The following DAB1 variants were observed in gnomAD, a reference collection of about 807,000 sequenced individuals.
DAB1 encodes disabled homolog 1.
A neutral mutation model predicts 64.6 loss-of-function variants in DAB1; 15 were observed. That is an observed-to-expected ratio of 0.23 (90% CI 0.16 to 0.36). The LOEUF (loss-of-function observed/expected upper bound fraction) is 0.36, where lower values mean the gene tolerates loss of function less well. Among genes scored for constraint, DAB1 ranks in the 10% least tolerant of loss-of-function variants. DAB1 has a pLI of 1.00. For missense variants in DAB1, 596 were observed against 706.7 expected, an observed-to-expected ratio of 0.84 and a Z score of 1.78; for synonymous variants, 235 against 251.9, an observed-to-expected ratio of 0.93 and a Z score of 0.64.
At chr1:57,411,256 T>C (rs1425011928) in intron 1 of DAB1, among the ~76,000 whole-genome samples, 1 of 152,258 alleles carries the variant, frequency 6.6e-6, no homozygotes, top group Non-Finnish European at 1.5e-5. Context: ...GTCCGTGTGA[T>C]GAAATGGAAA....
chr1:57,629,512 A>G (rs2101626294), intron 7 of DAB1, among the ~76,000 whole-genome samples: 1 of 152,298 alleles, frequency 6.6e-6, no homozygotes, highest in East Asian at 1.9e-4. Flanking sequence ...AGAAGGAGGA[A>G]GAGTTTTGAA....
At chr1:58,000,678 C>T (rs1378412700) in intron 5 of DAB1, among the ~76,000 whole-genome samples, 1 of 140,984 alleles carries the variant, frequency 7.1e-6, no homozygotes, top group African/African-American at 2.6e-5. Flanking sequence ...TCAAGTGATT[C>T]TTGTGCCTCA....
intron 7 of DAB1, among the ~76,000 whole-genome samples, chr1:57,580,214 C>T (rs1306104485): frequency 6.6e-6 from 1 of 152,138 alleles, no homozygotes; most frequent in African/African-American, 2.4e-5. Flanking sequence ...AGAAGGAAAA[C>T]TGAGCAGCTT....
chr1:57,353,583 T>C (rs1430509134), intron 1 of DAB1, among the ~76,000 whole-genome samples: 1 of 152,178 alleles, frequency 6.6e-6, no homozygotes. Context: ...ATGCTGGACC[T>C]CAGCATTCAC....
chr1:57,136,070 G>T (rs1343501613), intron 4 of DAB1, among the ~76,000 whole-genome samples: 1 of 152,054 alleles, frequency 6.6e-6, no homozygotes, highest in East Asian at 1.9e-4. Context: ...TCCTGGTCGT[G>T]CAGTGATAGA....
At chr1:57,474,665 A>G (rs924842383) in intron 7 of DAB1, among the ~76,000 whole-genome samples, 9 of 152,218 alleles carry the variant, frequency 5.9e-5, no homozygotes, top group African/African-American at 9.6e-5. Context: ...TTATAAAGAA[A>G]TTTCACAGTT....
chr1:58,075,805 G>A (rs904311836), intron 5 of DAB1, among the ~76,000 whole-genome samples: 3 of 151,992 alleles, frequency 2.0e-5, no homozygotes, highest in African/African-American at 7.2e-5. Flanking sequence ...CCTTTCTCTG[G>A]CTCTATCTCT....
At chr1:58,329,473 T>C (rs1367579791) in intron 4 of DAB1, among the ~76,000 whole-genome samples, 1 of 152,252 alleles carries the variant, frequency 6.6e-6, no homozygotes, top group Non-Finnish European at 1.5e-5. Flanking sequence ...TTATGTAATC[T>C]CACTTGTGTT....
At chr1:57,042,987 T>C (rs1647989394) in intron 9 of DAB1, among the ~76,000 whole-genome samples, 1 of 152,090 alleles carries the variant, frequency 6.6e-6, no homozygotes. Flanking sequence ...ACTCCATTTC[T>C]AACTTCAAAG....
intron 1 of DAB1, among the ~76,000 whole-genome samples, chr1:57,358,913 G>A (rs1272999262): frequency 6.6e-6 from 1 of 151,958 alleles, no homozygotes; most frequent in Non-Finnish European, 1.5e-5. Context: ...ATATCCTCAT[G>A]CAGAAAAATA....
chr1:57,985,200 AC>A (rs374222259), intron 5 of DAB1, among the ~76,000 whole-genome samples: 51 of 151,990 alleles, frequency 3.4e-4, no homozygotes, highest in African/African-American at 1.2e-3. Flanking sequence ...GAGCCACCAC[AC>A]CCGGCCTGCT....
chr1:57,001,399 C>T (rs753595964), intron 14 of DAB1, among the ~76,000 whole-genome samples: 7 of 152,142 alleles, frequency 4.6e-5, no homozygotes, highest in South Asian at 4.1e-4. Context: ...GCACCTTCGC[C>T]GGGCACACAA....
chr1:57,343,929 C>T (rs770220494), intron 1 of DAB1, among the ~76,000 whole-genome samples: 26 of 152,374 alleles, frequency 1.7e-4, no homozygotes, highest in Non-Finnish European at 2.8e-4. Context: ...GCGCCCAGAG[C>T]GAGCAAGGGC....
intron 1 of DAB1, among the ~76,000 whole-genome samples, chr1:57,362,665 C>T (rs1172204580): frequency 6.6e-6 from 1 of 152,104 alleles, no homozygotes; most frequent in Non-Finnish European, 1.5e-5. Context: ...CTTGAAGGCA[C>T]TATCTTTAAA....
At chr1:57,965,625 G>C (rs1645645316) in intron 5 of DAB1, among the ~76,000 whole-genome samples, 2 of 152,234 alleles carry the variant, frequency 1.3e-5, no homozygotes, top group African/African-American at 2.4e-5. Context: ...TACTTGTAGA[G>C]GAAGGAATAT....
intron 7 of DAB1, among the ~76,000 whole-genome samples, chr1:57,549,091 T>G (rs1394735952): frequency 6.6e-6 from 1 of 152,166 alleles, no homozygotes; most frequent in East Asian, 1.9e-4. Context: ...TATGACTGGA[T>G]CTACGCAATG....
Position 57,183,554 on chromosome 1 carries a change from T to G in DAB1, c.68-38125A>C, listed in dbSNP as rs1557886996. On this transcript the variant is annotated intron_variant, in intron 2 of 14. Coordinates refer to ENST00000371236, the MANE Select transcript of DAB1 (RefSeq NM_001365792.1). ...GTTGATGAGTCCATTCCTGGGCATGTTGATCCTTGTCCCATGTCACATTCT... is the reference window on the plus strand; with the variant it reads ...GTTGATGAGTCCATTCCTGGGCATGGTGATCCTTGTCCCATGTCACATTCT... 2.0e-5 allele frequency among the ~76,000 whole-genome samples: 3 copies of G among 152,152 alleles called. No individual in the cohort carries two copies. In the South Asian group the frequency reaches 6.2e-4, roughly 32 times the overall value.
At chr1:58,519,205 C>T (rs1646222051) in intron 2 of DAB1, among the ~76,000 whole-genome samples, 1 of 152,264 alleles carries the variant, frequency 6.6e-6, no homozygotes, top group South Asian at 2.1e-4. Context: ...TTTCCACTGC[C>T]AATCCTCAAA....
At chr1:57,229,084 G>A (rs1667481044) in intron 2 of DAB1, among the ~76,000 whole-genome samples, 1 of 151,864 alleles carries the variant, frequency 6.6e-6, no homozygotes. Flanking sequence ...AAGTTTTTTA[G>A]AAACCCTCTT....
Sources: gnomAD v4.1 joint callset for allele counts (sites outside exome capture counted in the v4.1 genomes callset) on GRCh38, gnomAD v4.1.1 for gene constraint, MANE v1.5 for transcripts, NCBI Gene and HGNC (gene_info 2026-07-23, HGNC 2026-07-21) for gene names.